RNF220: variants seen among roughly 807,000 people sequenced by gnomAD.
RNF220 encodes the protein E3 ubiquitin-protein ligase RNF220.
A neutral mutation model predicts 67.1 loss-of-function variants in RNF220; 7 were observed. The ratio of observed to expected loss-of-function variants is 0.10; its 90% CI spans 0.06 to 0.20. The LOEUF (loss-of-function observed/expected upper bound fraction) is 0.20. RNF220 is among the 10% of genes least tolerant of loss of function. RNF220 has a pLI of 1.00. For synonymous variants in RNF220, 270 were observed against 283.2 expected (o/e 0.95, Z 0.47); for missense variants, 565 against 740.3 (o/e 0.76, Z 2.75).
intron 2 of RNF220, among the ~76,000 whole-genome samples, chr1:44,422,446 G>C (rs993122918): frequency 9.2e-5 from 14 of 152,210 alleles, no homozygotes; most frequent in African/African-American, 3.4e-4. Context: ...GCTGATTTAC[G>C]GGGAAAAGAA....
At chr1:44,557,939 C>T (rs953845027) in intron 2 of RNF220, among the ~76,000 whole-genome samples, 9 of 152,228 alleles carry the variant, frequency 5.9e-5, no homozygotes, top group Non-Finnish European at 1.2e-4. Flanking sequence ...GCGTCTTCTC[C>T]AGGGTGGGAC....
chr1:44,488,727 C>CTTTTTTTTTTTTTTTTTT (rs55968850), intron 2 of RNF220, among the ~76,000 whole-genome samples: 6 of 102,564 alleles, frequency 5.9e-5, no homozygotes, highest in African/African-American at 7.2e-5. Flanking sequence ...TTTCTTTTTT[C>CTTTTTTTTTTTTTTTTTT]TTTTTTTTTT....
At chr1:44,580,053 A>G (rs200681572) in intron 2 of RNF220, among the ~76,000 whole-genome samples, 8,697 of 146,046 alleles carry the variant, frequency 0.06, 588 homozygotes, top group East Asian at 0.15. Context: ...AAAAAAAAAA[A>G]AAAAGAAAGA....
intron 2 of RNF220, among the ~76,000 whole-genome samples, chr1:44,527,187 G>C (rs1033879035): frequency 6.6e-6 from 1 of 151,828 alleles, no homozygotes; most frequent in Admixed American, 6.6e-5. Flanking sequence ...ATCTCTCCTT[G>C]AATCCTTGCA....
In RNF220 at chr1:44,405,419, G is replaced by A; in HGVS notation, c.-229G>A. On this transcript the variant is annotated 5_prime_UTR_variant, in exon 1 of 15. Transcript: ENST00000361799. ...TGCCGCTGCCGCCGCCGCCGCCGCC[G>A]CTGCCTCCGCCGGCTCTGCGAACCC... 1 of 632,396 alleles carries A rather than the reference G, an allele frequency of 1.6e-6. No homozygotes were observed. The highest frequency in any genetic ancestry group is 2.9e-6 in the Non-Finnish European group (1 of 350,116). The allele number at this position is 632,396 out of a possible 1,614,324, so 39.2% of individuals were successfully genotyped here. A position where few individuals can be genotyped will look rare whatever the true frequency, so the allele number is the denominator to read the frequency against.
In RNF220 at chr1:44,412,416, A is replaced by C; in HGVS notation, c.319A>C (p.Thr107Pro). Residue 107 changes from threonine to proline, a missense_variant, in exon 2 of 15, where the codon ACC becomes CCC. Thr to Pro is a conservative substitution (Grantham distance 38). Transcript: ENST00000361799. The surrounding 1 kb of genome is among the most constrained non-coding windows in gnomAD (Gnocchi z 5.3). The part of the protein sequence containing the change: ...PQFAPPNLDC[T>P]PISMLNHSGV... The stretch of plus-strand genomic sequence containing the variant: ...ATTTGCTCCCCCAAATCTAGATTGC[A>C]CCCCAATCAGTATGCTGAATCATAG... The C allele has an allele frequency of 6.2e-7, 1 of 1,612,840 alleles. No homozygotes were observed. Among genetic ancestry groups the C allele is most frequent in the South Asian group, 1.1e-5 (1 of 90,984 alleles).
chr1:44,408,179 A>AT (rs1451221691), intron 1 of RNF220, among the ~76,000 whole-genome samples: 5 of 151,538 alleles, frequency 3.3e-5, no homozygotes, highest in African/African-American at 7.3e-5. Context: ...AAAAGAGTTG[A>AT]TTTTTTTTCC....
intron 8 of RNF220, chr1:44,644,472 C>G: frequency 1.9e-6 from 1 of 524,166 alleles, no homozygotes; most frequent in Non-Finnish European, 3.4e-6. Context: ...TGAGCAGAGA[C>G]CACTTGGAGC....
chr1:44,532,036 A>G (rs1660874262), intron 2 of RNF220, among the ~76,000 whole-genome samples: 1 of 151,954 alleles, frequency 6.6e-6, no homozygotes, highest in Non-Finnish European at 1.5e-5. Context: ...TATCCCTCTA[A>G]AGTCAGTGCA....
At chr1:44,495,974 CA>C (rs1443380331) in intron 2 of RNF220, among the ~76,000 whole-genome samples, 1 of 152,148 alleles carries the variant, frequency 6.6e-6, no homozygotes, top group Admixed American at 6.5e-5. Flanking sequence ...GAGAGGTAGA[CA>C]AGGGTCAGTT....
intron 2 of RNF220, among the ~76,000 whole-genome samples, chr1:44,557,154 AATATATATACATATGTATATATT>A (rs1312162838): frequency 6.8e-6 from 1 of 146,386 alleles, no homozygotes; most frequent in Admixed American, 6.9e-5. Context: ...ATGTATATAT[AATATATATACATATGTATATATT>A]AATATATAAT....
At chr1:44,574,394 A>G (rs1291252519) in intron 2 of RNF220, among the ~76,000 whole-genome samples, 1 of 152,180 alleles carries the variant, frequency 6.6e-6, no homozygotes, top group African/African-American at 2.4e-5. Flanking sequence ...AAAGTCCAGA[A>G]CACATGTTTA....
At chr1:44,561,734 C>T (rs1306167460) in intron 2 of RNF220, among the ~76,000 whole-genome samples, 3 of 150,880 alleles carry the variant, frequency 2.0e-5, no homozygotes, top group African/African-American at 4.8e-5. Context: ...CTGGACAATA[C>T]GGTGAGACCC....
intron 2 of RNF220, among the ~76,000 whole-genome samples, chr1:44,486,109 C>T (rs1178257674): frequency 3.3e-5 from 5 of 152,118 alleles, no homozygotes. Flanking sequence ...TCTCTGAATA[C>T]TTGGGGAAGG....
In RNF220 at chr1:44,619,333, G is replaced by A. The variant is rs200327516; in HGVS notation, c.759-3409G>A. Among the ~76,000 whole-genome samples the A allele has an allele frequency of 2.6e-5, 4 of 152,332 alleles. No individual in the cohort carries two copies. In the East Asian group the frequency reaches 7.7e-4, roughly 29 times the overall value. ...TAAAAGGGCTCAAAGAAGCCAGAGG[G>A]AGGCTGGGTGACTCTAGAGAAGAGG... On this transcript the variant is annotated intron_variant, in intron 3 of 14. Coordinates refer to ENST00000361799, the MANE Select transcript of RNF220 (RefSeq NM_018150.4).
intron 2 of RNF220, among the ~76,000 whole-genome samples, chr1:44,583,338 T>C (rs1194806895): frequency 6.6e-6 from 1 of 152,158 alleles, no homozygotes; most frequent in Non-Finnish European, 1.5e-5. Context: ...GCACAGTCCT[T>C]GCCCTTGGCT....
chr1:44,581,015 T>G (rs927777536), intron 2 of RNF220, among the ~76,000 whole-genome samples: 1 of 152,174 alleles, frequency 6.6e-6, no homozygotes, highest in African/African-American at 2.4e-5. Flanking sequence ...CCAGGAGAAC[T>G]TCATGGGAGA....
intron 2 of RNF220, among the ~76,000 whole-genome samples, chr1:44,597,758 T>A (rs1666624403): frequency 6.6e-6 from 1 of 152,004 alleles, no homozygotes; most frequent in Non-Finnish European, 1.5e-5. Context: ...ACTTTTTTAT[T>A]TCTCCTTGCA....
intron 2 of RNF220, among the ~76,000 whole-genome samples, chr1:44,458,596 C>G (rs1653439479): frequency 6.6e-6 from 1 of 152,104 alleles, no homozygotes; most frequent in African/African-American, 2.4e-5. Context: ...TTACCCACAC[C>G]CAATTCAATA....
Sources: gnomAD v4.1 joint callset for allele counts (sites outside exome capture counted in the v4.1 genomes callset) on GRCh38, gnomAD v4.1.1 for gene constraint, Gnocchi (gnomAD v3.1) non-coding constraint, MANE v1.5 for transcripts, NCBI Gene and HGNC (gene_info 2026-07-23, HGNC 2026-07-21) for gene names.